ERAP1: variants seen among roughly 807,000 people sequenced by gnomAD.
ERAP1 encodes the protein endoplasmic reticulum aminopeptidase 1, also known as adipocyte-derived leucine aminopeptidase.
A neutral mutation model predicts 103.7 loss-of-function variants in ERAP1; 86 were observed. The observed-to-expected ratio is 0.83, with a 90% CI of 0.70 to 0.99. ERAP1 has a LOEUF of 0.99. Ranked by LOEUF, ERAP1 falls within the 50% of genes least tolerant of loss-of-function variation. ERAP1 has a pLI of 0.00. For missense variants in ERAP1, 1,009 were observed against 1,128.4 expected (o/e 0.89, Z 1.52); for synonymous variants, 398 against 402.4 (o/e 0.99, Z 0.13).
chr5:96,762,948 G>C (rs951502308), exon 20 of ERAP1: 1 of 560,258 alleles, frequency 1.8e-6, no homozygotes, highest in African/African-American at 1.9e-5. Flanking sequence ...AAGGCTGTGG[G>C]ACCAAAGCTT....
chr5:96,842,686 T>A, the ERAP1 span, among the ~76,000 whole-genome samples: 2 of 152,256 alleles, frequency 1.3e-5, no homozygotes, highest in Admixed American at 1.3e-4. Context: ...CAGTTCTTTT[T>A]CTGGTATATA....
At chr5:96,841,906 T>C in the ERAP1 span, among the ~76,000 whole-genome samples, 1 of 152,110 alleles carries the variant, frequency 6.6e-6, no homozygotes, top group Non-Finnish European at 1.5e-5. Flanking sequence ...GTGTACAGTG[T>C]ACCCAGTGTG....
chr5:96,912,600 T>C, the ERAP1 span: 1 of 1,558,646 alleles, frequency 6.4e-7, no homozygotes, highest in Admixed American at 2.1e-5. Flanking sequence ...TTTTCTTTCA[T>C]AAAACTTTTT....
At chr5:96,770,261 A>G, downstream of ERAP1, 1 of 417,084 alleles carries the variant, frequency 2.4e-6, no homozygotes, top group Non-Finnish European at 4.5e-6. Flanking sequence ...TTTGATTAGC[A>G]AAATAAGGTC....
chr5:96,902,291 C>T, the ERAP1 span: 1 of 1,609,540 alleles, frequency 6.2e-7, no homozygotes, highest in South Asian at 1.1e-5. Context: ...TGGCATATCC[C>T]ATTGACCTAC....
the ERAP1 span, chr5:96,896,884 C>A: frequency 6.5e-7 from 1 of 1,548,768 alleles, no homozygotes; most frequent in Admixed American, 2.3e-5. Flanking sequence ...TGTTGGGTAA[C>A]GATAGACTGT....
In ERAP1 at chr5:96,781,153, C is replaced by G; in HGVS notation, c.2493G>C (p.Glu831Asp). 1 of 1,613,252 alleles carries G rather than the reference C, an allele frequency of 6.2e-7. No homozygotes were observed. The highest frequency in any genetic ancestry group is 8.5e-7 in the Non-Finnish European group (1 of 1,179,860). Residue 831 changes from glutamate to aspartate, a missense_variant, in exon 17 of 19, where the codon GAG becomes GAC. By Grantham distance (45) the Glu-to-Asp change is conservative (BLOSUM62 2). Transcript: ENST00000443439. The part of the protein sequence containing the change: ...SFKGDKIKTQ[E>D]FPQILTLIGR... ...CAATGAGTGTAAGAATTTGTGGAAA[C>G]TCCTGAGTTTTTATTTTATCTCCCT... is the stretch of plus-strand genomic sequence containing the variant.
At chr5:96,913,328 T>A in the ERAP1 span, 1 of 1,613,918 alleles carries the variant, frequency 6.2e-7, no homozygotes, top group South Asian at 1.1e-5. Flanking sequence ...TTAATTGAAC[T>A]AGGAATGGAA....
At chr5:96,901,798 A>G in the ERAP1 span, 1 of 981,602 alleles carries the variant, frequency 1.0e-6, no homozygotes, top group Non-Finnish European at 1.5e-6. Flanking sequence ...TATAAGAATC[A>G]AAGGCCTAAA....
the ERAP1 span, among the ~76,000 whole-genome samples, chr5:96,887,980 C>A: frequency 6.6e-6 from 1 of 151,866 alleles, no homozygotes; most frequent in Non-Finnish European, 1.5e-5. Flanking sequence ...CAAAAATTAG[C>A]CAGGCATGGT....
At chr5:96,829,216 T>C in the ERAP1 span, among the ~76,000 whole-genome samples, 2 of 152,320 alleles carry the variant, frequency 1.3e-5, no homozygotes, top group South Asian at 4.1e-4. Context: ...AACTTACACA[T>C]GTATACAGAT....
chr5:96,896,335 A>T, the ERAP1 span: 11 of 1,553,014 alleles, frequency 7.1e-6, no homozygotes, highest in Non-Finnish European at 9.7e-6. Context: ...TACAGTGTCA[A>T]ATAGAAACTA....
the ERAP1 span, among the ~76,000 whole-genome samples, chr5:96,870,437 G>A: frequency 1.3e-5 from 2 of 151,872 alleles, no homozygotes; most frequent in African/African-American, 4.8e-5. Context: ...TTCAGCCTTA[G>A]CCTTTGTCTA....
intron 15 of ERAP1, 53 bp from the exon 16 acceptor site, chr5:96,781,907 G>C: frequency 6.3e-7 from 1 of 1,577,914 alleles, no homozygotes; most frequent in East Asian, 2.2e-5. Flanking sequence ...AGTATGTTTA[G>C]AGGCATAATG....
the ERAP1 span, chr5:96,875,929 G>A: frequency 6.6e-6 from 1 of 152,504 alleles, no homozygotes; most frequent in South Asian, 2.1e-4. Flanking sequence ...GAGCAGAGAG[G>A]AAGTTGAAGC....
the ERAP1 span, among the ~76,000 whole-genome samples, chr5:96,836,394 G>T: frequency 6.6e-6 from 1 of 151,886 alleles, no homozygotes; most frequent in African/African-American, 2.4e-5. Flanking sequence ...TAGAGACAGG[G>T]TTTCACCATG....
chr5:96,905,396 T>C, the ERAP1 span, among the ~76,000 whole-genome samples: 1 of 152,236 alleles, frequency 6.6e-6, no homozygotes, highest in East Asian at 1.9e-4. Context: ...TCTGGTTGTT[T>C]TGTAATTATG....
chr5:96,843,246 C>T, the ERAP1 span, among the ~76,000 whole-genome samples: 1 of 152,116 alleles, frequency 6.6e-6, no homozygotes, highest in South Asian at 2.1e-4. Context: ...CGAGGTTTCC[C>T]ACTGGTTATT....
chr5:96,789,737 A>C (rs1295633394), intron 10 of ERAP1, among the ~76,000 whole-genome samples: 1 of 152,238 alleles, frequency 6.6e-6, no homozygotes, highest in Non-Finnish European at 1.5e-5. Context: ...TTAGCAGTTA[A>C]AAACATGAGT....
Sources: allele counts gnomAD v4.1 joint callset (sites outside exome capture counted in the v4.1 genomes callset), GRCh38; gene constraint gnomAD v4.1.1; transcripts MANE v1.5; gene names NCBI Gene and HGNC (gene_info 2026-07-23, HGNC 2026-07-21).